Variants in SEMA6D observed in about 807,000 individuals in gnomAD.
SEMA6D encodes semaphorin-6D.
Under a neutral mutation model 106.6 loss-of-function variants are expected in SEMA6D, and 35 were observed. The observed-to-expected ratio is 0.33, with a 90% confidence interval of 0.25 to 0.44. The LOEUF (loss-of-function observed/expected upper bound fraction) is 0.44, where lower values mean the gene tolerates loss of function less well. SEMA6D is among the 20% of genes least tolerant of loss of function. SEMA6D has a pLI of 1.00. For synonymous variants in SEMA6D, 499 were observed against 487.7 expected, an observed-to-expected ratio of 1.02 and a Z score of -0.31; for missense variants, 1,185 against 1,345.9, an observed-to-expected ratio of 0.88 and a Z score of 1.87.
intron 4 of SEMA6D, among the ~76,000 whole-genome samples, chr15:47,639,372 A>G (rs1218544047): frequency 6.6e-6 from 1 of 152,212 alleles, no homozygotes; most frequent in African/African-American, 2.4e-5. Context: ...TATAAAATAA[A>G]TATCCATGAA....
At chr15:47,282,178 AATT>A (rs2035156149) in intron 1 of SEMA6D, among the ~76,000 whole-genome samples, 1 of 152,136 alleles carries the variant, frequency 6.6e-6, no homozygotes, top group Admixed American at 6.6e-5. Flanking sequence ...TTGACATAAA[AATT>A]ATTGTTAGGA....
At chr15:47,301,001 C>T (rs1450336460) in intron 1 of SEMA6D, among the ~76,000 whole-genome samples, 1 of 152,174 alleles carries the variant, frequency 6.6e-6, no homozygotes, top group Non-Finnish European at 1.5e-5. Context: ...TTGCTTCCTC[C>T]ATGGAAAAAT....
At chr15:47,659,556 GAGA>G (rs1439829524) in intron 4 of SEMA6D, among the ~76,000 whole-genome samples, 2 of 151,898 alleles carry the variant, frequency 1.3e-5, no homozygotes, top group African/African-American at 4.8e-5. Context: ...ACTTGGAGTG[GAGA>G]AGTTCTTTGT....
intron 3 of SEMA6D, among the ~76,000 whole-genome samples, chr15:47,511,149 T>C (rs2044217335): frequency 6.6e-6 from 1 of 152,150 alleles, no homozygotes; most frequent in African/African-American, 2.4e-5. Context: ...GCTTTGCAAT[T>C]AAGTGTTCAT....
chr15:47,263,824 G>A (rs956652307), intron 1 of SEMA6D, among the ~76,000 whole-genome samples: 2 of 151,204 alleles, frequency 1.3e-5, no homozygotes, highest in Admixed American at 1.3e-4. Context: ...GGGCATTAAG[G>A]TTGATGGGAT....
chr15:47,206,663 G>A (rs1895085742), intron 1 of SEMA6D, among the ~76,000 whole-genome samples: 1 of 152,040 alleles, frequency 6.6e-6, no homozygotes, highest in African/African-American at 2.4e-5. Flanking sequence ...CATAATAAAT[G>A]CATGGTTCTC....
chr15:47,574,547 G>A (rs781035718), intron 3 of SEMA6D, among the ~76,000 whole-genome samples: 9 of 152,012 alleles, frequency 5.9e-5, no homozygotes, highest in African/African-American at 1.7e-4. Flanking sequence ...AGAATTTAGC[G>A]GAATCTTGTA....
chr15:47,394,524 G>T (rs368036251), intron 1 of SEMA6D, among the ~76,000 whole-genome samples: 31 of 152,284 alleles, frequency 2.0e-4, no homozygotes, highest in African/African-American at 7.2e-4. Context: ...GAATGTGGAG[G>T]TAGTGAGGGT....
At chr15:47,691,625 A>G (rs1354978225) in intron 4 of SEMA6D, among the ~76,000 whole-genome samples, 1 of 152,224 alleles carries the variant, frequency 6.6e-6, no homozygotes, top group Non-Finnish European at 1.5e-5. Flanking sequence ...ATGTAAGGCC[A>G]GACCAATAGT....
chr15:47,741,192 G>C lies in SEMA6D; in HGVS notation c.-54-18553G>C, dbSNP rs532376729. Among the ~76,000 whole-genome samples, 11 of 152,270 alleles carry C rather than the reference G, an allele frequency of 7.2e-5. No homozygotes were observed. The East Asian group carries it at 2.1e-3, about 29-fold the overall frequency. Reference sequence around the variant, plus strand: ...CTCTGCTGCAGGGATTAAGACTACAGACATTGAAGTCAAACTGGCTTAAGC... The same window carrying C: ...CTCTGCTGCAGGGATTAAGACTACACACATTGAAGTCAAACTGGCTTAAGC... On this transcript the variant is annotated intron_variant, in intron 1 of 18. Coordinates refer to ENST00000536845, the MANE Select transcript of SEMA6D (RefSeq NM_001358351.3).
At chr15:47,437,671 C>T (rs1268179023) in intron 2 of SEMA6D, among the ~76,000 whole-genome samples, 1 of 152,090 alleles carries the variant, frequency 6.6e-6, no homozygotes, top group Non-Finnish European at 1.5e-5. Flanking sequence ...TTTTCTCTGA[C>T]TAAAGGAGAA....
intron 4 of SEMA6D, among the ~76,000 whole-genome samples, chr15:47,696,938 G>A (rs1430488267): frequency 1.3e-5 from 2 of 152,088 alleles, no homozygotes; most frequent in Non-Finnish European, 2.9e-5. Flanking sequence ...TGCTATTATT[G>A]TCATCATTCT....
chr15:47,563,721 TA>T (rs1225452427), intron 3 of SEMA6D, among the ~76,000 whole-genome samples: 1 of 152,252 alleles, frequency 6.6e-6, no homozygotes, highest in African/African-American at 2.4e-5. Context: ...TACTTATTTT[TA>T]AATACCCAGT....
intron 1 of SEMA6D, among the ~76,000 whole-genome samples, chr15:47,197,518 G>C (rs1452777230): frequency 8.3e-6 from 1 of 120,986 alleles, no homozygotes; most frequent in Non-Finnish European, 1.7e-5. Context: ...TTTTTTTTTT[G>C]TAATGAAGAC....
chr15:47,275,968 A>G (rs933743739), intron 1 of SEMA6D, among the ~76,000 whole-genome samples: 3 of 152,288 alleles, frequency 2.0e-5, no homozygotes, highest in Middle Eastern at 3.4e-3. Flanking sequence ...AAACATTTTT[A>G]CTGCTGATAT....
intron 1 of SEMA6D, among the ~76,000 whole-genome samples, chr15:47,223,712 A>G (rs1378219): frequency 0.9 from 136,767 of 151,980 alleles, 62,224 homozygotes; most frequent in Non-Finnish European, 0.96. Context: ...TAACTTTATC[A>G]TAAAGCTCAA....
At chr15:47,271,130 T>C (rs1292592013) in intron 1 of SEMA6D, among the ~76,000 whole-genome samples, 1 of 152,238 alleles carries the variant, frequency 6.6e-6, no homozygotes, top group African/African-American at 2.4e-5. Flanking sequence ...TCATGGTTTT[T>C]TGACAACTCC....
intron 1 of SEMA6D, among the ~76,000 whole-genome samples, chr15:47,355,313 T>C (rs546940791): frequency 7.2e-5 from 11 of 152,228 alleles, no homozygotes; most frequent in Non-Finnish European, 1.3e-4. Flanking sequence ...TACATGCAGA[T>C]GATAACTTTA....
intron 3 of SEMA6D, among the ~76,000 whole-genome samples, chr15:47,509,034 T>C (rs2044141402): frequency 6.6e-6 from 1 of 152,150 alleles, no homozygotes. Flanking sequence ...ATTTTCCTCC[T>C]CTTCAGCTCC....
Sources: allele counts gnomAD v4.1 joint callset (sites outside exome capture counted in the v4.1 genomes callset), GRCh38; gene constraint gnomAD v4.1.1; transcripts MANE v1.5; gene names NCBI Gene and HGNC (gene_info 2026-07-23, HGNC 2026-07-21).